The following SLC12A6 variants were observed in gnomAD, a reference collection of about 807,000 sequenced individuals.
SLC12A6 encodes K-Cl cotransporter 3.
Under a neutral mutation model 135.3 loss-of-function variants are expected in SLC12A6, and 66 were observed. That is an observed-to-expected ratio of 0.49 (90% CI 0.40 to 0.60). The LOEUF (loss-of-function observed/expected upper bound fraction) is 0.60. Ranked by LOEUF, SLC12A6 falls within the 20% of genes least tolerant of loss-of-function variation. SLC12A6 has a pLI of 0.00. For synonymous variants in SLC12A6, 513 were observed against 508.8 expected, an observed-to-expected ratio of 1.01 and a Z score of -0.11; for missense variants, 1,058 against 1,452.3, an observed-to-expected ratio of 0.73 and a Z score of 4.41.
Position 34,236,056 on chromosome 15 carries a change from C to A in SLC12A6, c.3186G>T (p.Ala1062=). The change falls in exon 24 of 26, where the codon GCG becomes GCT. Residue 1062 remains alanine (A), a synonymous_variant. Transcript: ENST00000354181. ...GGTCCTGGAATCCTTCCATTGACTT[C>A]GCTTTTTGTCCCCGGGATGCCATGT... is the stretch of plus-strand genomic sequence containing the variant. ...DKYMASRGQK[A]KSMEGFQDLL... The A allele has an allele frequency of 6.2e-7, 1 of 1,614,074 alleles. No individual in the cohort carries two copies. Among genetic ancestry groups the A allele is most frequent in the Non-Finnish European group, 8.5e-7 (1 of 1,179,962 alleles).
chr15:34,229,917 C>T lies in SLC12A6; in HGVS notation c.*3964G>A, dbSNP rs1890808204. The T allele has an allele frequency of 1.2e-6, 1 of 857,556 alleles. No individual in the cohort carries two copies. The highest frequency in any genetic ancestry group is 1.7e-5 in the African/African-American group (1 of 59,634). 53.1% of individuals were successfully genotyped at this position (857,556 alleles called of 1,614,324 possible). A position where few individuals can be genotyped will look rare whatever the true frequency, so the allele number is the denominator to read the frequency against. On this transcript the variant is annotated 3_prime_UTR_variant, in exon 26 of 26. Transcript: ENST00000354181. ...AAAAAGAACCAAAAGACTCTTTTCT[C>T]CATGGTGGGGTGACAGGTCCTAGAA...
At position 34,239,179 on chromosome 15, in the gene SLC12A6, C is replaced by A. The variant is rs781388225; in HGVS notation, c.2437-19G>T. On this transcript the variant is annotated intron_variant, in intron 19 of 25. Transcript: ENST00000354181. ...TTATGGTCTGAAAGAGACACAGGACCGCAACACTGAACTGGTTCACTCTGG... is the reference window on the plus strand; with the variant it reads ...TTATGGTCTGAAAGAGACACAGGACAGCAACACTGAACTGGTTCACTCTGG... The A allele has an allele frequency of 1.3e-6, 2 of 1,564,488 alleles. No individual in the cohort carries two copies. The highest frequency in any genetic ancestry group is 3.3e-5 in the Admixed American group (2 of 59,956).
chr15:34,261,011 T>C lies in SLC12A6; in HGVS notation c.326A>G (p.His109Arg), dbSNP rs764672829. 1.3e-6 allele frequency: 2 copies of C among 1,551,698 alleles called. No homozygotes were observed. The highest frequency in any genetic ancestry group is 3.3e-5 in the Admixed American group (2 of 59,918). Residue 109 changes from histidine (H) to arginine (R), a missense_variant, in exon 4 of 26, where the codon CAT (histidine) becomes CGT (arginine). Physicochemically the swap from His to Arg is conservative, Grantham distance 29. This residue lies in a region of SLC12A6 where 176 missense variants were observed against 168.9 expected (regional missense o/e 1.04). Coordinates refer to ENST00000354181, the MANE Select transcript of SLC12A6 (RefSeq NM_001365088.1). Reference protein sequence around the residue: ...GEHSQLLDDGHKKARNAYLNN... With the variant: ...GEHSQLLDDGRKKARNAYLNN... ...GAGATAAGCATTTCGAGCTTTCTTA[T>C]GTCCGTCGTCTGGAAAAAAAAAAGT...
chr15:34,331,512 A>C (rs1205585158), intron 2 of SLC12A6, among the ~76,000 whole-genome samples: 2 of 152,202 alleles, frequency 1.3e-5, no homozygotes. Context: ...ACTCTCGTAC[A>C]TACATTAATA....
intron 25 of SLC12A6, among the ~76,000 whole-genome samples, chr15:34,234,779 A>C (rs1891144651): frequency 6.6e-6 from 1 of 152,302 alleles, no homozygotes; most frequent in South Asian, 2.1e-4. Flanking sequence ...ATGAGGAAGA[A>C]TCCCTATCTC....
chr15:34,233,260 T>G lies in SLC12A6; in HGVS notation c.*621A>C, dbSNP rs1891053060. 1 of 155,262 alleles carries G rather than the reference T, an allele frequency of 6.4e-6. No individual in the cohort carries two copies. Among genetic ancestry groups the G allele is most frequent in the African/African-American group, 2.4e-5 (1 of 41,468 alleles). The allele number at this position is 155,262 out of a possible 1,614,324, so 9.6% of individuals were successfully genotyped here. ...GTTGAAGTATACACTGACACAGTAT[T>G]TGGATATTTAAATCTGGTATTTTGG... is the stretch of plus-strand genomic sequence containing the variant. On this transcript the variant is annotated 3_prime_UTR_variant, in exon 26 of 26. Transcript: ENST00000354181.
chr15:34,261,872 G>A (rs7183736), intron 3 of SLC12A6, among the ~76,000 whole-genome samples: 4,165 of 152,280 alleles, frequency 0.027, 192 homozygotes, highest in African/African-American at 0.095. Context: ...TGGCAAGGCT[G>A]TGGAGAAAAA....
At chr15:34,330,768 G>C (rs1296753044) in intron 2 of SLC12A6, among the ~76,000 whole-genome samples, 2 of 152,106 alleles carry the variant, frequency 1.3e-5, no homozygotes, top group Admixed American at 6.6e-5. Context: ...TTAGCTATTA[G>C]AATGCTGAGG....
At chr15:34,256,371 G>T in intron 6 of SLC12A6, 88 bp from the exon 7 acceptor site, 1 of 901,804 alleles carries the variant, frequency 1.1e-6, no homozygotes. Flanking sequence ...AGAGCACTTG[G>T]CAAACATTTA....
At chr15:34,241,724 G>A (rs1891658202) in intron 17 of SLC12A6, among the ~76,000 whole-genome samples, 1 of 152,104 alleles carries the variant, frequency 6.6e-6, no homozygotes, top group Non-Finnish European at 1.5e-5. Flanking sequence ...ATGTTATTTC[G>A]TCCTCATTTT....
intron 23 of SLC12A6, 46 bp from the exon 24 acceptor site, chr15:34,236,245 TA>T: frequency 7.0e-7 from 1 of 1,432,492 alleles, no homozygotes; most frequent in Non-Finnish European, 9.8e-7. Flanking sequence ...AATTTTCTCT[TA>T]TGCTTCATCT....
At chr15:34,251,248 TTTTG>T (rs944508176) in intron 10 of SLC12A6, among the ~76,000 whole-genome samples, 191 bp from the exon 11 acceptor site, 126 of 152,162 alleles carry the variant, frequency 8.3e-4, no homozygotes, top group Admixed American at 2.3e-3. Flanking sequence ...ATAGTTTTTT[TTTTG>T]TTTGTTTGTT....
chr15:34,266,617 T>A (rs111904186), intron 3 of SLC12A6, among the ~76,000 whole-genome samples: 2,914 of 152,168 alleles, frequency 0.019, 60 homozygotes, highest in East Asian at 0.078. Context: ...AATTTTTGGA[T>A]TTTTTGTAGA....
chr15:34,322,799 G>A (rs572659233), intron 2 of SLC12A6, among the ~76,000 whole-genome samples: 8 of 151,826 alleles, frequency 5.3e-5, no homozygotes, highest in Non-Finnish European at 1.0e-4. Flanking sequence ...CCAACATTGT[G>A]AAACCCCGTC....
intron 13 of SLC12A6, 93 bp from the exon 14 acceptor site, chr15:34,245,960 T>A: frequency 1.1e-6 from 1 of 927,904 alleles, no homozygotes; most frequent in South Asian, 1.4e-5. Context: ...TGAGACAGAA[T>A]CTCACTCTGT....
chr15:34,287,429 C>A (rs1301057852), intron 2 of SLC12A6, among the ~76,000 whole-genome samples: 1 of 152,136 alleles, frequency 6.6e-6, no homozygotes, highest in Non-Finnish European at 1.5e-5. Context: ...GTGAATAGTG[C>A]CGCAATAAAC....
In SLC12A6 at chr15:34,239,282, C is replaced by G; in HGVS notation, c.2437-122G>C. On this transcript the variant is annotated intron_variant, in intron 19 of 25. Coordinates refer to ENST00000354181, the MANE Select transcript of SLC12A6 (RefSeq NM_001365088.1). ...AGTCTTCATAATACTATATCATCTA[C>G]AGAAAAGTCCAAAAAGTTAAAATTA... 4 of 763,028 alleles carry G rather than the reference C, an allele frequency of 5.2e-6. No homozygotes were observed. The South Asian group carries it at 5.9e-5, about 11-fold the overall frequency. The allele number at this position is 763,028 out of a possible 1,614,324, so 47.3% of individuals were successfully genotyped here.
intron 2 of SLC12A6, chr15:34,318,916 C>T (rs1888852300): frequency 1.0e-6 from 1 of 981,292 alleles, no homozygotes; most frequent in East Asian, 3.6e-5. Context: ...AGCACTCCAC[C>T]CTTGCTTATT....
chr15:34,261,097 G>A, intron 3 of SLC12A6, 77 bp from the exon 4 acceptor site: 1 of 800,728 alleles, frequency 1.2e-6, no homozygotes, highest in Non-Finnish European at 2.3e-6. Flanking sequence ...ATAAGTGCAG[G>A]TTGCTTCGGT....
Sources: allele counts gnomAD v4.1 joint callset (sites outside exome capture counted in the v4.1 genomes callset), GRCh38; gene constraint gnomAD v4.1.1; regional missense constraint gnomAD v4.1.1; transcripts MANE v1.5; gene names NCBI Gene and HGNC (gene_info 2026-07-23, HGNC 2026-07-21).